Variants in PPM1L observed in about 807,000 individuals in gnomAD.
PPM1L encodes protein phosphatase, Mg2+/Mn2+ dependent 1L.
PPM1L carries 13 observed loss-of-function variants against 31.4 expected under a neutral mutation model. The observed-to-expected ratio is 0.41, with a 90% confidence interval of 0.27 to 0.66. The LOEUF is 0.66. Ranked by LOEUF, PPM1L falls within the 30% of genes least tolerant of loss-of-function variation. The probability of loss-of-function intolerance (pLI) is 0.29; values close to 1 mark genes in which losing one functional copy is unlikely to be tolerated. For synonymous variants in PPM1L, 184 were observed against 175.4 expected, an observed-to-expected ratio of 1.05 and a Z score of -0.39; for missense variants, 326 against 453.7, an observed-to-expected ratio of 0.72 and a Z score of 2.56.
chr3:160,914,105 A>G (rs1714071342), intron 1 of PPM1L, among the ~76,000 whole-genome samples: 1 of 152,140 alleles, frequency 6.6e-6, no homozygotes, highest in African/African-American at 2.4e-5. Context: ...TGGCGTAGAC[A>G]TTCTTTTTAA....
Position 160,904,834 on chromosome 3 carries a change from C to T in PPM1L, c.400-56902C>T, listed in dbSNP as rs116557021. Among the ~76,000 whole-genome samples the T allele has an allele frequency of 4.6e-3, 695 of 152,114 alleles. 6 individuals are homozygous for T. Among genetic ancestry groups the T allele is most frequent in the African/African-American group, 0.015 (638 of 41,516 alleles). The stretch of plus-strand genomic sequence containing the variant: ...TCACAATATGAGAATCTATCTTTCA[C>T]GATATGAGTGGCTCCCTATGCTATT... On this transcript the variant is annotated intron_variant, in intron 1 of 3. Transcript: ENST00000498165.
At chr3:160,859,080 A>T (rs1711810644) in intron 1 of PPM1L, among the ~76,000 whole-genome samples, 1 of 152,170 alleles carries the variant, frequency 6.6e-6, no homozygotes, top group South Asian at 2.1e-4. Context: ...ATTAAAGAAG[A>T]TGCTTTTTTC....
At chr3:160,935,381 G>A (rs1299555958) in intron 1 of PPM1L, among the ~76,000 whole-genome samples, 1 of 152,168 alleles carries the variant, frequency 6.6e-6, no homozygotes, top group Non-Finnish European at 1.5e-5. Flanking sequence ...CTTTCTGGAG[G>A]TAAGGAGGCT....
chr3:161,025,529 A>G (rs1262156193), intron 2 of PPM1L, among the ~76,000 whole-genome samples: 1 of 151,772 alleles, frequency 6.6e-6, no homozygotes, highest in Non-Finnish European at 1.5e-5. Context: ...CTATGATCAC[A>G]TCACTGCACC....
At chr3:161,021,166 A>G (rs1718226282) in intron 2 of PPM1L, among the ~76,000 whole-genome samples, 1 of 151,926 alleles carries the variant, frequency 6.6e-6, no homozygotes, top group Admixed American at 6.6e-5. Context: ...TTTCTTCTTT[A>G]ATATAGGTGT....
At chr3:160,776,535 G>T (rs1437916051) in intron 1 of PPM1L, among the ~76,000 whole-genome samples, 1 of 151,612 alleles carries the variant, frequency 6.6e-6, no homozygotes, top group Non-Finnish European at 1.5e-5. Flanking sequence ...TCATGCCTAT[G>T]ATATTATGGT....
At chr3:160,843,079 A>G (rs1436936825) in intron 1 of PPM1L, among the ~76,000 whole-genome samples, 3 of 151,990 alleles carry the variant, frequency 2.0e-5, no homozygotes, top group Non-Finnish European at 4.4e-5. Flanking sequence ...CTCCAAATCT[A>G]ATTCTTTTTT....
chr3:160,831,319 A>C (rs1560119331), intron 1 of PPM1L, among the ~76,000 whole-genome samples: 1 of 152,176 alleles, frequency 6.6e-6, no homozygotes, highest in Non-Finnish European at 1.5e-5. Flanking sequence ...GGGACAAGGG[A>C]ATATGAAGTG....
intron 1 of PPM1L, among the ~76,000 whole-genome samples, chr3:160,949,201 T>C (rs1715501644): frequency 2.0e-5 from 3 of 152,168 alleles, no homozygotes; most frequent in Admixed American, 2.0e-4. Context: ...CCTAGTGCCC[T>C]TCCCCTGTAT....
chr3:161,048,862 T>C (rs977070255), intron 2 of PPM1L, among the ~76,000 whole-genome samples: 4 of 136,172 alleles, frequency 2.9e-5, no homozygotes, highest in Non-Finnish European at 6.0e-5. Flanking sequence ...TTCTCACTTA[T>C]AAGTGGGAAT....
At chr3:160,778,020 C>T (rs895102434) in intron 1 of PPM1L, among the ~76,000 whole-genome samples, 2 of 152,086 alleles carry the variant, frequency 1.3e-5, no homozygotes, top group Non-Finnish European at 2.9e-5. Flanking sequence ...ACATCCTTGG[C>T]AATACTTGAT....
intron 1 of PPM1L, among the ~76,000 whole-genome samples, chr3:160,811,301 A>C (rs1291468169): frequency 6.6e-6 from 1 of 152,230 alleles, no homozygotes; most frequent in African/African-American, 2.4e-5. Context: ...CACTGTAGTG[A>C]ATCAAGATGT....
intron 2 of PPM1L, among the ~76,000 whole-genome samples, chr3:161,004,308 G>C (rs201840503): frequency 2.4e-4 from 29 of 119,222 alleles, no homozygotes; most frequent in South Asian, 9.4e-4. Context: ...TCTCTTTTTT[G>C]GTTGTGTCTC....
At chr3:160,898,922 A>G (rs1713437958) in intron 1 of PPM1L, among the ~76,000 whole-genome samples, 1 of 152,238 alleles carries the variant, frequency 6.6e-6, no homozygotes, top group African/African-American at 2.4e-5. Context: ...CCAAGTAGCT[A>G]GCAGAACCAG....
intron 1 of PPM1L, among the ~76,000 whole-genome samples, chr3:160,931,690 A>G (rs114158469): frequency 0.013 from 1,922 of 152,294 alleles, 40 homozygotes; most frequent in African/African-American, 0.045. Flanking sequence ...CAGTTCACAT[A>G]TGTTCCTAAT....
At chr3:161,024,269 A>G (rs1718317533) in intron 2 of PPM1L, among the ~76,000 whole-genome samples, 1 of 151,876 alleles carries the variant, frequency 6.6e-6, no homozygotes, top group African/African-American at 2.4e-5. Context: ...CGTCTCAAAA[A>G]AAAAAAAAAA....
intron 2 of PPM1L, among the ~76,000 whole-genome samples, chr3:161,010,039 A>G (rs947735962): frequency 8.5e-5 from 13 of 152,194 alleles, no homozygotes; most frequent in Admixed American, 6.5e-5. Flanking sequence ...GTTCTAGGGT[A>G]CATGTGCACA....
intron 1 of PPM1L, among the ~76,000 whole-genome samples, chr3:160,874,838 T>C (rs1050555726): frequency 3.9e-5 from 6 of 152,154 alleles, no homozygotes; most frequent in African/African-American, 1.4e-4. Flanking sequence ...AAAGACTATA[T>C]AGAATTAGAG....
chr3:160,772,591 T>C (rs942706541), intron 1 of PPM1L, among the ~76,000 whole-genome samples: 12 of 152,238 alleles, frequency 7.9e-5, no homozygotes, highest in Admixed American at 6.5e-5. Flanking sequence ...TGTACATGCT[T>C]AATATATGCA....
Sources: allele counts gnomAD v4.1 joint callset (sites outside exome capture counted in the v4.1 genomes callset), GRCh38; gene constraint gnomAD v4.1.1; transcripts MANE v1.5; gene names NCBI Gene and HGNC (gene_info 2026-07-23, HGNC 2026-07-21).